CFAP43: variants seen among roughly 807,000 people sequenced by gnomAD.
The protein encoded by CFAP43 is cilia- and flagella-associated protein 43.
A neutral mutation model predicts 218.9 loss-of-function variants in CFAP43; 155 were observed. The ratio of observed to expected loss-of-function variants is 0.71; its 90% CI spans 0.62 to 0.81. The LOEUF (loss-of-function observed/expected upper bound fraction) is 0.81, where lower values mean the gene tolerates loss of function less well. CFAP43 is among the 30% of genes least tolerant of loss of function. The probability of loss-of-function intolerance (pLI) is 0.00; values close to 1 mark genes in which losing one functional copy is unlikely to be tolerated. For synonymous variants in CFAP43, 645 were observed against 681.3 expected (o/e 0.95, Z 0.83); for missense variants, 1,778 against 1,954.3 (o/e 0.91, Z 1.70).
Position 104,130,223 on chromosome 10 carries a change from T to C in CFAP43, c.4914A>G (p.Lys1638=), listed in dbSNP as rs1243211410. The C allele has an allele frequency of 1.2e-6, 2 of 1,613,116 alleles. No homozygotes were observed. The highest frequency in any genetic ancestry group is 2.2e-5 in the South Asian group (2 of 90,736). Reference sequence around the variant, plus strand: ...GTATTGAAATCTGTTCAGCTTGTTGTTTTGAAATATTTGTTAACTTCTGCT... The same window carrying C: ...GTATTGAAATCTGTTCAGCTTGTTGCTTTGAAATATTTGTTAACTTCTGCT... ...MQQQKLTNIS[K]QQAEQISILQ... The change falls in exon 38 of 38, where the codon AAA becomes AAG. Residue 1638 remains lysine (K), a synonymous_variant. Coordinates refer to ENST00000357060, the MANE Select transcript of CFAP43 (RefSeq NM_025145.7).
In CFAP43 at chr10:104,164,309, T is replaced by G. The variant is rs2089034324; in HGVS notation, c.3040-9A>C. 1 of 1,546,810 alleles carries G rather than the reference T, an allele frequency of 6.5e-7. No homozygotes were observed. Among genetic ancestry groups the G allele is most frequent in the Non-Finnish European group, 8.8e-7 (1 of 1,131,254 alleles). On this transcript the variant is annotated splice_polypyrimidine_tract_variant and intron_variant, in intron 23 of 37. Coordinates refer to ENST00000357060, the MANE Select transcript of CFAP43 (RefSeq NM_025145.7). ...ACCTTGTAAATGATATCCTGAAATA[T>G]TAACATGTTACTGAAAACACATCAC...
chr10:104,131,753 T>G (rs916135131), intron 36 of CFAP43, among the ~76,000 whole-genome samples: 3 of 152,210 alleles, frequency 2.0e-5, no homozygotes, highest in Non-Finnish European at 4.4e-5. Flanking sequence ...GTTTCTAATA[T>G]ATGCTACATA....
At position 104,187,441 on chromosome 10, in the gene CFAP43, T is replaced by C. The variant is rs761295421; in HGVS notation, c.1739A>G (p.His580Arg). The C allele has an allele frequency of 2.5e-6, 4 of 1,602,216 alleles. No individual in the cohort carries two copies. The highest frequency in any genetic ancestry group is 1.7e-5 in the Admixed American group (1 of 57,584). The change falls in exon 14 of 38, where the codon CAT becomes CGT. Residue 580 changes from histidine (H) to arginine (R), a missense_variant. His to Arg is a conservative substitution (Grantham distance 29). This residue lies in a region of CFAP43 where 1,553 missense variants were observed against 1,685.2 expected (regional missense o/e 0.92). Coordinates refer to ENST00000357060, the MANE Select transcript of CFAP43 (RefSeq NM_025145.7). ...GTGCTCCAACTCATACAGGTACTTA[T>C]GAATGATTTCATCTTTCAGCCTTCC... is the stretch of plus-strand genomic sequence containing the variant. Reference protein sequence around the residue: ...ERGRLKDEIIHKYLYELEHAL... With the variant: ...ERGRLKDEIIRKYLYELEHAL...
intron 3 of CFAP43, among the ~76,000 whole-genome samples, chr10:104,223,866 G>A (rs1462585556): frequency 6.6e-6 from 1 of 152,148 alleles, no homozygotes. Flanking sequence ...AGCAACATAA[G>A]ATAATTTCAA....
At chr10:104,203,622 T>C (rs949283369) in intron 8 of CFAP43, 50 bp downstream of exon 8, 2 of 1,552,938 alleles carry the variant, frequency 1.3e-6, no homozygotes, top group African/African-American at 2.7e-5. Flanking sequence ...GTAATGATGA[T>C]AATAATACTA....
chr10:104,190,332 A>G (rs2090171651), intron 12 of CFAP43, among the ~76,000 whole-genome samples: 1 of 152,144 alleles, frequency 6.6e-6, no homozygotes, highest in African/African-American at 2.4e-5. Context: ...ACTCTGGAAA[A>G]TAAAATAAAA....
chr10:104,231,314 T>G (rs1424089456), intron 1 of CFAP43, among the ~76,000 whole-genome samples: 1 of 152,182 alleles, frequency 6.6e-6, no homozygotes, highest in African/African-American at 2.4e-5. Flanking sequence ...GTAGGAAAAT[T>G]GCTTATTTAC....
At chr10:104,182,090 C>A (rs2089864141) in intron 17 of CFAP43, among the ~76,000 whole-genome samples, 1 of 152,178 alleles carries the variant, frequency 6.6e-6, no homozygotes, top group Admixed American at 6.5e-5. Context: ...ACCATTTTGA[C>A]CAAGCACAAG....
chr10:104,142,277 T>C lies in CFAP43; in HGVS notation c.4271+4A>G. 6.2e-7 allele frequency: 1 copy of C among 1,607,474 alleles called. No homozygotes were observed. The highest frequency in any genetic ancestry group is 2.2e-5 in the East Asian group (1 of 44,514). On this transcript the variant is annotated splice_donor_region_variant and intron_variant, in intron 33 of 37. Coordinates refer to ENST00000357060, the MANE Select transcript of CFAP43 (RefSeq NM_025145.7). Reference sequence around the variant, plus strand: ...GGTGAACATGAAAGAAAGCTTCAAATTACAGGATGAGTTCATGGAACACTC... The same window carrying C: ...GGTGAACATGAAAGAAAGCTTCAAACTACAGGATGAGTTCATGGAACACTC...
Position 104,188,289 on chromosome 10 carries a change from CAGTG to C in CFAP43, c.1664_1667del (p.Thr555SerfsTer19). On this transcript the variant is annotated frameshift_variant, in exon 13 of 38. Coordinates refer to ENST00000357060, the MANE Select transcript of CFAP43 (RefSeq NM_025145.7). LOFTEE classifies it high-confidence loss of function. ...CCTTACCTTGTGGCAGTAATGTAGGCAGTGTGAACATCTCCAACCTGCTTCTCCC... is the reference window on the plus strand; with the variant it reads ...CCTTACCTTGTGGCAGTAATGTAGGCTGAACATCTCCAACCTGCTTCTCCC... 1 of 1,613,986 alleles carries C rather than the reference CAGTG, an allele frequency of 6.2e-7. No individual in the cohort carries two copies. The highest frequency in any genetic ancestry group is 8.5e-7 in the Non-Finnish European group (1 of 1,179,950).
chr10:104,162,696 A>G (rs2088943039), intron 24 of CFAP43, among the ~76,000 whole-genome samples: 1 of 152,082 alleles, frequency 6.6e-6, no homozygotes, highest in Non-Finnish European at 1.5e-5. Context: ...AGTGCCATCT[A>G]AGCCAAATTC....
intron 28 of CFAP43, among the ~76,000 whole-genome samples, chr10:104,148,705 C>T (rs541646561): frequency 1.5e-4 from 23 of 152,322 alleles, no homozygotes; most frequent in Admixed American, 3.9e-4. Flanking sequence ...TAAATGGAAG[C>T]GGCCTGAGGC....
intron 28 of CFAP43, 66 bp from the exon 29 acceptor site, chr10:104,148,064 C>T: frequency 9.8e-7 from 1 of 1,020,420 alleles, no homozygotes; most frequent in Non-Finnish European, 1.4e-6. Flanking sequence ...TTTCTATAGA[C>T]TTGGCACTAA....
chr10:104,154,721 T>C (rs538411051), intron 27 of CFAP43, among the ~76,000 whole-genome samples: 20 of 152,350 alleles, frequency 1.3e-4, no homozygotes, highest in African/African-American at 3.8e-4. Flanking sequence ...AAGAATCTTT[T>C]TGTAGTGTAA....
chr10:104,194,589 G>C (rs757021378), intron 10 of CFAP43, among the ~76,000 whole-genome samples: 1 of 152,044 alleles, frequency 6.6e-6, no homozygotes, highest in Non-Finnish European at 1.5e-5. Flanking sequence ...GAAGACTTAA[G>C]AAAATAACTG....
At chr10:104,190,708 C>A (rs573822316) in intron 12 of CFAP43, among the ~76,000 whole-genome samples, 2 of 152,206 alleles carry the variant, frequency 1.3e-5, no homozygotes, top group Non-Finnish European at 2.9e-5. Flanking sequence ...GGAGTCATCA[C>A]TTATCCCTTC....
At chr10:104,181,955 G>A (rs114131350) in intron 17 of CFAP43, among the ~76,000 whole-genome samples, 1,627 of 152,232 alleles carry the variant, frequency 0.011, 35 homozygotes, top group African/African-American at 0.037. Context: ...TCTTGTTCAT[G>A]GCTATATCCC....
At chr10:104,194,480 CTG>C (rs935160271) in intron 10 of CFAP43, among the ~76,000 whole-genome samples, 10 of 152,148 alleles carry the variant, frequency 6.6e-5, no homozygotes, top group African/African-American at 2.4e-4. Flanking sequence ...AGTGATCCTA[CTG>C]TGTCAGCCTG....
At chr10:104,217,963 T>C (rs789970) in intron 3 of CFAP43, among the ~76,000 whole-genome samples, 71,783 of 152,110 alleles carry the variant, frequency 0.47, 17,913 homozygotes, top group African/African-American at 0.66. Context: ...TTCTAAATGT[T>C]GCTATGACAA....
Sources: gnomAD v4.1 joint callset for allele counts (sites outside exome capture counted in the v4.1 genomes callset) on GRCh38, gnomAD v4.1.1 for gene constraint, gnomAD v4.1.1 regional missense constraint, MANE v1.5 for transcripts, NCBI Gene and HGNC (gene_info 2026-07-23, HGNC 2026-07-21) for gene names.